Variants in NDRG3 observed in about 807,000 individuals in gnomAD.
NDRG3 encodes NDRG family member 3.
A neutral mutation model predicts 57.2 loss-of-function variants in NDRG3; 23 were observed. The ratio of observed to expected loss-of-function variants is 0.40; its 90% confidence interval spans 0.29 to 0.57. The LOEUF (loss-of-function observed/expected upper bound fraction) is 0.57. Among genes scored for constraint, NDRG3 ranks in the 20% least tolerant of loss-of-function variants. The pLI is 0.42. For missense variants in NDRG3, 384 were observed against 457.3 expected, an observed-to-expected ratio of 0.84 and a Z score of 1.46; for synonymous variants, 132 against 162.6, an observed-to-expected ratio of 0.81 and a Z score of 1.43.
At chr20:36,697,255 A>T (rs1003548777) in intron 3 of NDRG3, among the ~76,000 whole-genome samples, 2 of 152,198 alleles carry the variant, frequency 1.3e-5, no homozygotes, top group Non-Finnish European at 2.9e-5. Context: ...GTTTAAAGAT[A>T]GGGCAGTCCT....
At chr20:36,672,807 C>T (rs1304170631) in intron 8 of NDRG3, among the ~76,000 whole-genome samples, 1 of 148,806 alleles carries the variant, frequency 6.7e-6, no homozygotes, top group Non-Finnish European at 1.5e-5. Flanking sequence ...CCGCCCTGGG[C>T]AACAGAGCAA....
chr20:36,681,041 A>G, intron 7 of NDRG3, 139 bp from the exon 8 acceptor site: 1 of 639,630 alleles, frequency 1.6e-6, no homozygotes, highest in Non-Finnish European at 2.7e-6. Context: ...GAGGGAGAAC[A>G]TGTGGAAAAA....
At chr20:36,712,324 T>C (rs1001949019) in intron 2 of NDRG3, among the ~76,000 whole-genome samples, 8 of 151,366 alleles carry the variant, frequency 5.3e-5, no homozygotes, top group Middle Eastern at 3.2e-3. Context: ...GTACTGCTCA[T>C]TGGGGGCATT....
intron 3 of NDRG3, among the ~76,000 whole-genome samples, chr20:36,702,833 C>T (rs1983323149): frequency 6.6e-6 from 1 of 152,074 alleles, no homozygotes; most frequent in African/African-American, 2.4e-5. Context: ...GGATTACAGG[C>T]ATGCACATGC....
intron 1 of NDRG3, among the ~76,000 whole-genome samples, chr20:36,733,172 ATATATATATATATAT>A (rs1237587982): frequency 8.7e-5 from 1 of 11,520 alleles, no homozygotes; most frequent in Non-Finnish European, 2.7e-4. Flanking sequence ...AAAAAAAAAA[ATATATATATATATAT>A]ATATATATAT....
intron 2 of NDRG3, among the ~76,000 whole-genome samples, chr20:36,710,735 C>T (rs931212962): frequency 5.3e-5 from 8 of 151,574 alleles, no homozygotes; most frequent in Non-Finnish European, 1.2e-4. Flanking sequence ...TGAACCGGGA[C>T]CCGGGTGGCG....
chr20:36,713,596 G>A (rs1697376), intron 2 of NDRG3, among the ~76,000 whole-genome samples: 2,619 of 152,268 alleles, frequency 0.017, 68 homozygotes, highest in African/African-American at 0.06. Context: ...ATAGTTGAAA[G>A]ATGAGATAGA....
Position 36,682,660 on chromosome 20 carries a change from G to A in NDRG3, c.384-82C>T. 6 of 1,191,726 alleles carry A rather than the reference G, an allele frequency of 5.0e-6. 2 individuals are homozygous for A. In the Middle Eastern group the frequency reaches 1.2e-3, roughly 231 times the overall value. 73.8% of individuals were successfully genotyped at this position (1,191,726 alleles called of 1,614,324 possible). On this transcript the variant is annotated intron_variant, in intron 6 of 15. Coordinates refer to ENST00000349004, the MANE Select transcript of NDRG3 (RefSeq NM_032013.4). ...GCATAATTGAAAGCATACAACCTGG[G>A]TTGAAATCCTGGCTCTGATATTTAT... is the stretch of plus-strand genomic sequence containing the variant.
chr20:36,658,140 A>T (rs1039519017), intron 13 of NDRG3, among the ~76,000 whole-genome samples: 14 of 151,874 alleles, frequency 9.2e-5, no homozygotes, highest in Admixed American at 3.9e-4. Flanking sequence ...TTAAAAAAAA[A>T]TTTTTTTTGA....
intron 3 of NDRG3, among the ~76,000 whole-genome samples, chr20:36,704,677 T>C (rs1200307010): frequency 6.6e-6 from 1 of 152,184 alleles, no homozygotes; most frequent in Admixed American, 6.6e-5. Flanking sequence ...CTTATTGTTT[T>C]AGAGGAAAGG....
At chr20:36,735,970 C>CAAAAA (rs576981000) in intron 1 of NDRG3, among the ~76,000 whole-genome samples, 1 of 50,956 alleles carries the variant, frequency 2.0e-5, no homozygotes, top group Non-Finnish European at 4.1e-5. Context: ...GGCCCTGTCT[C>CAAAAA]AAAAAAAAAA....
At chr20:36,687,287 T>C (rs925955411) in intron 5 of NDRG3, among the ~76,000 whole-genome samples, 1 of 152,170 alleles carries the variant, frequency 6.6e-6, no homozygotes, top group Admixed American at 6.5e-5. Context: ...TTCCTGGATA[T>C]GGGAAAACAC....
At position 36,671,344 on chromosome 20, in the gene NDRG3, C is replaced by A; in HGVS notation, c.585G>T (p.Gly195=). ...VVDIILAHHF[G]QEELQANLDL... ...TCTGGGTGGAACAGGTACTTACCTG[C>A]CCAAAGTGATGAGCCAAAATAATGT... Residue 195 remains glycine (G), a synonymous_variant, in exon 9 of 16, where the codon GGG becomes GGT. Transcript: ENST00000349004. 1 of 1,613,352 alleles carries A rather than the reference C, an allele frequency of 6.2e-7. No homozygotes were observed. The highest frequency in any genetic ancestry group is 8.5e-7 in the Non-Finnish European group (1 of 1,179,382).
At chr20:36,685,936 G>A (rs1981749052) in intron 5 of NDRG3, among the ~76,000 whole-genome samples, 1 of 152,214 alleles carries the variant, frequency 6.6e-6, no homozygotes, top group Non-Finnish European at 1.5e-5. Flanking sequence ...CTTGAGCCCA[G>A]GAGGTTGAGG....
intron 7 of NDRG3, among the ~76,000 whole-genome samples, chr20:36,682,264 T>C (rs563523256): frequency 4.6e-5 from 7 of 152,350 alleles, no homozygotes; most frequent in African/African-American, 1.4e-4. Context: ...TTAATTTTAA[T>C]GGCCGCACAA....
intron 1 of NDRG3, among the ~76,000 whole-genome samples, chr20:36,739,132 C>A (rs57055111): frequency 5.9e-5 from 3 of 50,934 alleles, no homozygotes; most frequent in Admixed American, 3.1e-4. Context: ...GAGACCCCAT[C>A]TCAAAAAAAA....
intron 1 of NDRG3, among the ~76,000 whole-genome samples, chr20:36,722,335 G>A (rs923936816): frequency 5.3e-5 from 8 of 152,048 alleles, no homozygotes; most frequent in Non-Finnish European, 2.9e-5. Context: ...CACCTTGATC[G>A]CCATGTTGCA....
intron 3 of NDRG3, among the ~76,000 whole-genome samples, chr20:36,689,777 G>A (rs1163398607): frequency 1.4e-5 from 2 of 146,668 alleles, no homozygotes; most frequent in East Asian, 4.0e-4. Flanking sequence ...CTGGAGTGCA[G>A]TGGCGCGATC....
chr20:36,689,119 G>A (rs1982045615), intron 3 of NDRG3, among the ~76,000 whole-genome samples: 1 of 152,146 alleles, frequency 6.6e-6, no homozygotes, highest in South Asian at 2.1e-4. Flanking sequence ...ACTTGAACCT[G>A]GGAGGCAGAG....
Sources: allele counts gnomAD v4.1 joint callset (sites outside exome capture counted in the v4.1 genomes callset), GRCh38; gene constraint gnomAD v4.1.1; transcripts MANE v1.5; gene names NCBI Gene and HGNC (gene_info 2026-07-23, HGNC 2026-07-21).